The following SLC7A8 variants were observed in gnomAD, a reference collection of about 807,000 sequenced individuals.
SLC7A8 encodes the protein solute carrier family 7 member 8, also known as large neutral amino acids transporter small subunit 2.
Under a neutral mutation model 51.2 loss-of-function variants are expected in SLC7A8, and 30 were observed. The ratio of observed to expected loss-of-function variants is 0.59; its 90% CI spans 0.44 to 0.80. The LOEUF is 0.80. Ranked by LOEUF, SLC7A8 falls within the 30% of genes least tolerant of loss-of-function variation. The pLI, the probability that SLC7A8 is intolerant of heterozygous loss-of-function variation, is 0.00. For missense variants in SLC7A8, 612 were observed against 674.4 expected (o/e 0.91, Z 1.03); for synonymous variants, 257 against 275.8 (o/e 0.93, Z 0.67).
chr14:23,175,791 T>TA (rs577189248), intron 1 of SLC7A8, among the ~76,000 whole-genome samples: 3 of 152,192 alleles, frequency 2.0e-5, no homozygotes, highest in Non-Finnish European at 2.9e-5. Context: ...AGGAGCATTT[T>TA]AGTTAAGCCC....
intron 1 of SLC7A8, among the ~76,000 whole-genome samples, chr14:23,168,396 A>G (rs2048960492): frequency 6.6e-6 from 1 of 152,190 alleles, no homozygotes; most frequent in Non-Finnish European, 1.5e-5. Flanking sequence ...TCTGGACAAT[A>G]TCAAGTGCTG....
chr14:23,171,191 T>C (rs983715272), intron 1 of SLC7A8, among the ~76,000 whole-genome samples: 2 of 152,220 alleles, frequency 1.3e-5, no homozygotes, highest in Non-Finnish European at 2.9e-5. Flanking sequence ...GTCCTGCTTC[T>C]ATCCTCCCCA....
chr14:23,175,031 C>G (rs2048992572), intron 1 of SLC7A8, among the ~76,000 whole-genome samples: 1 of 152,202 alleles, frequency 6.6e-6, no homozygotes, highest in South Asian at 2.1e-4. Flanking sequence ...TTGAAGGCAG[C>G]TGTGCTGCTG....
At chr14:23,154,403 A>G in intron 3 of SLC7A8, 1 of 995,632 alleles carries the variant, frequency 1.0e-6, no homozygotes, top group Non-Finnish European at 1.2e-6. Context: ...TGGAGGTTGG[A>G]GCCGCTGGGC....
chr14:23,127,381 G>T (rs761271100), intron 10 of SLC7A8, 38 bp from the exon 11 acceptor site: 1 of 1,604,628 alleles, frequency 6.2e-7, no homozygotes. Context: ...GGCCAATGCT[G>T]AGTATCCCAC....
intron 7 of SLC7A8, among the ~76,000 whole-genome samples, chr14:23,136,795 AG>A (rs1316931003): frequency 4.6e-5 from 7 of 152,166 alleles, no homozygotes; most frequent in Non-Finnish European, 1.0e-4. Context: ...AATAGATCTC[AG>A]GGAGCCTCAC....
chr14:23,144,763 T>C (rs1402407493), intron 3 of SLC7A8, among the ~76,000 whole-genome samples: 1 of 152,152 alleles, frequency 6.6e-6, no homozygotes, highest in Admixed American at 6.5e-5. Flanking sequence ...TCACCTGTTC[T>C]GTGAATCTCT....
At chr14:23,172,067 C>T (rs2048977758) in intron 1 of SLC7A8, among the ~76,000 whole-genome samples, 1 of 152,244 alleles carries the variant, frequency 6.6e-6, no homozygotes, top group South Asian at 2.1e-4. Flanking sequence ...GTCTCTTCAT[C>T]TGCAGAATGG....
chr14:23,180,942 G>C (rs1346716247), intron 1 of SLC7A8, among the ~76,000 whole-genome samples: 1 of 152,114 alleles, frequency 6.6e-6, no homozygotes, highest in African/African-American at 2.4e-5. Context: ...CAGGAGAATG[G>C]CGTGAACCCG....
intron 9 of SLC7A8, 98 bp downstream of exon 9, chr14:23,129,552 G>T (rs952755379): frequency 1.5e-6 from 2 of 1,372,918 alleles, no homozygotes; most frequent in South Asian, 1.3e-5. Context: ...AGATGATGAC[G>T]TGTGGTCAGC....
rs2048583685 is a variant in SLC7A8 at position 23,127,060 on chromosome 14, C to T, written c.*117G>A. ...CACCACCCACACCAAAGTCCTACCA[C>T]TGCCTGACAAAAGCAGAGAGAGGGG... On this transcript the variant is annotated 3_prime_UTR_variant, in exon 11 of 11. Transcript: ENST00000316902. 8 of 1,314,802 alleles carry T rather than the reference C, an allele frequency of 6.1e-6. No homozygotes were observed. Among genetic ancestry groups the T allele is most frequent in the Non-Finnish European group, 7.5e-6 (7 of 937,644 alleles). The allele number at this position is 1,314,802 out of a possible 1,614,324, so 81.4% of individuals were successfully genotyped here.
At chr14:23,180,239 A>G (rs1877116389) in intron 1 of SLC7A8, among the ~76,000 whole-genome samples, 1 of 151,904 alleles carries the variant, frequency 6.6e-6, no homozygotes, top group Non-Finnish European at 1.5e-5. Flanking sequence ...TTTTTTCTGC[A>G]GTGTTGACAT....
intron 7 of SLC7A8, among the ~76,000 whole-genome samples, chr14:23,136,426 C>G (rs1344059953): frequency 6.6e-6 from 1 of 152,166 alleles, no homozygotes; most frequent in Admixed American, 6.5e-5. Context: ...GTGTCAGGTT[C>G]ACAAGAGACA....
intron 3 of SLC7A8, among the ~76,000 whole-genome samples, chr14:23,163,116 C>T (rs2048932486): frequency 6.6e-6 from 1 of 152,194 alleles, no homozygotes; most frequent in Non-Finnish European, 1.5e-5. Flanking sequence ...ACTCTGGATC[C>T]AGCTAGGATG....
At chr14:23,129,029 C>T (rs991813739) in intron 9 of SLC7A8, among the ~76,000 whole-genome samples, 2 of 152,168 alleles carry the variant, frequency 1.3e-5, no homozygotes, top group African/African-American at 2.4e-5. Context: ...TCTTCTAATT[C>T]GTAGGAGAAC....
intron 3 of SLC7A8, among the ~76,000 whole-genome samples, chr14:23,164,244 C>A (rs1215256811): frequency 6.6e-6 from 1 of 152,232 alleles, no homozygotes; most frequent in Non-Finnish European, 1.5e-5. Flanking sequence ...TGGACAAACC[C>A]TTCTCCAAGA....
At chr14:23,163,205 T>C (rs2048932940) in intron 3 of SLC7A8, among the ~76,000 whole-genome samples, 3 of 152,216 alleles carry the variant, frequency 2.0e-5, no homozygotes, top group Admixed American at 2.0e-4. Flanking sequence ...AACACTGTGC[T>C]GAGGGTGTCC....
rs543475600 is a variant in SLC7A8, at chr14:23,178,192, C to CTAAGTGTTTATTAAACA, written c.151+4571_151+4572insTGTTTAATAAACACTTA. The stretch of plus-strand genomic sequence containing the variant: ...TAATTGGATGAGTACCTGGCATATA[C>CTAAGTGTTTATTAAACA]TAAGTGTTTAATAAACACAGCTATT... On this transcript the variant is annotated intron_variant, in intron 1 of 10. Coordinates refer to ENST00000316902, the MANE Select transcript of SLC7A8 (RefSeq NM_012244.4). Among the ~76,000 whole-genome samples the CTAAGTGTTTATTAAACA allele has an allele frequency of 2.2e-3, 340 of 152,262 alleles. 3 individuals are homozygous for CTAAGTGTTTATTAAACA. Among genetic ancestry groups the CTAAGTGTTTATTAAACA allele is most frequent in the Middle Eastern group, 0.014 (4 of 294 alleles).
chr14:23,154,316 A>C (rs1455577843), intron 3 of SLC7A8: 1 of 999,120 alleles, frequency 1.0e-6, no homozygotes, highest in Non-Finnish European at 1.2e-6. Flanking sequence ...GCTCCCACAG[A>C]CTCCCTCCCC....
Sources: gnomAD v4.1 joint callset for allele counts (sites outside exome capture counted in the v4.1 genomes callset) on GRCh38, gnomAD v4.1.1 for gene constraint, MANE v1.5 for transcripts, NCBI Gene and HGNC (gene_info 2026-07-23, HGNC 2026-07-21) for gene names.